Variants in CFAP54 observed in about 807,000 individuals in gnomAD.
CFAP54 encodes the protein cilia and flagella associated protein 54.
In CFAP54, 290 loss-of-function variants were observed where a neutral mutation model predicts 370.4. The observed-to-expected ratio is 0.78, with a 90% CI of 0.71 to 0.86. The LOEUF (loss-of-function observed/expected upper bound fraction) is 0.86, where lower values mean the gene tolerates loss of function less well. Ranked by LOEUF, CFAP54 falls within the 40% of genes least tolerant of loss-of-function variation. The pLI is 0.00. For synonymous variants in CFAP54, 1,206 were observed against 1,236.5 expected, an observed-to-expected ratio of 0.98 and a Z score of 0.52; for missense variants, 3,399 against 3,528.7, an observed-to-expected ratio of 0.96 and a Z score of 0.93.
Position 96,765,229 on chromosome 12 carries a change from A to G in CFAP54, c.8281+11A>G, listed in dbSNP as rs972694371. 6.8e-7 allele frequency: 1 copy of G among 1,472,380 alleles called. No homozygotes were observed. 91.2% of individuals were successfully genotyped at this position (1,472,380 alleles called of 1,614,324 possible). A position where few individuals can be genotyped will look rare whatever the true frequency, so the allele number is the denominator to read the frequency against. ...CAGATTATTTGCTTGGTATGTTTGGATGTCTACATATTATGCAAAAAAACT... is the reference window on the plus strand; with the variant it reads ...CAGATTATTTGCTTGGTATGTTTGGGTGTCTACATATTATGCAAAAAAACT... On this transcript the variant is annotated intron_variant, in intron 60 of 67. Transcript: ENST00000524981.
intron 17 of CFAP54, among the ~76,000 whole-genome samples, chr12:96,561,151 C>T (rs1955810810): frequency 6.6e-6 from 1 of 152,158 alleles, no homozygotes; most frequent in African/African-American, 2.4e-5. Flanking sequence ...GCTGTTTCCC[C>T]ACCCAAATCT....
At chr12:96,655,461 A>G (rs563455313) in intron 36 of CFAP54, among the ~76,000 whole-genome samples, 17 of 152,314 alleles carry the variant, frequency 1.1e-4, no homozygotes, top group Non-Finnish European at 2.4e-4. Flanking sequence ...GGTTTCTGTA[A>G]TTCTTAATGA....
intron 30 of CFAP54, among the ~76,000 whole-genome samples, chr12:96,629,367 G>C (rs559260452): frequency 6.1e-4 from 92 of 151,644 alleles, no homozygotes; most frequent in Admixed American, 2.0e-3. Flanking sequence ...GCAGTGGCGC[G>C]ATCTTGGCTC....
At chr12:96,670,255 G>A (rs1183674022) in intron 39 of CFAP54, among the ~76,000 whole-genome samples, 1 of 152,118 alleles carries the variant, frequency 6.6e-6, no homozygotes, top group African/African-American at 2.4e-5. Flanking sequence ...TATGTTAAGG[G>A]CTTTTCATGG....
At chr12:96,747,761 A>G (rs1013780189) in intron 55 of CFAP54, among the ~76,000 whole-genome samples, 1 of 152,196 alleles carries the variant, frequency 6.6e-6, no homozygotes, top group African/African-American at 2.4e-5. Flanking sequence ...TATCTGCAAA[A>G]TGGAGGTAGG....
intron 50 of CFAP54, among the ~76,000 whole-genome samples, chr12:96,729,768 C>T (rs573609192): frequency 5.3e-4 from 80 of 152,280 alleles, no homozygotes; most frequent in African/African-American, 1.8e-3. Context: ...AGAAATCACC[C>T]GTCTTCTGCG....
intron 63 of CFAP54, among the ~76,000 whole-genome samples, chr12:96,804,372 C>T (rs774487583): frequency 5.9e-5 from 9 of 152,008 alleles, no homozygotes; most frequent in Admixed American, 1.3e-4. Flanking sequence ...GATCTTAAAA[C>T]TAAAAAATCC....
chr12:96,492,341 C>G (rs1954893896), intron 1 of CFAP54, among the ~76,000 whole-genome samples: 1 of 152,210 alleles, frequency 6.6e-6, no homozygotes, highest in African/African-American at 2.4e-5. Context: ...CCTCACTTCT[C>G]TCTCAGGACT....
intron 26 of CFAP54, among the ~76,000 whole-genome samples, chr12:96,608,035 C>T (rs1206910844): frequency 6.6e-6 from 1 of 151,808 alleles, no homozygotes; most frequent in Non-Finnish European, 1.5e-5. Context: ...AACAGAAATC[C>T]CAAGACAGGG....
intron 26 of CFAP54, among the ~76,000 whole-genome samples, chr12:96,599,914 C>T (rs1471977715): frequency 6.6e-6 from 1 of 152,118 alleles, no homozygotes; most frequent in African/African-American, 2.4e-5. Flanking sequence ...AGCCCTTTGT[C>T]AGATGGATAG....
At chr12:96,637,213 G>C (rs1050925122) in intron 32 of CFAP54, among the ~76,000 whole-genome samples, 4 of 152,094 alleles carry the variant, frequency 2.6e-5, no homozygotes, top group Non-Finnish European at 5.9e-5. Context: ...TATCCATGTG[G>C]CATGTCTCAG....
chr12:96,738,803 G>C (rs953198087), intron 50 of CFAP54, among the ~76,000 whole-genome samples: 1 of 151,962 alleles, frequency 6.6e-6, no homozygotes, highest in African/African-American at 2.4e-5. Context: ...GTAGAGACTG[G>C]GTTTCACCGT....
chr12:96,819,537 C>A (rs1007803982), intron 65 of CFAP54, among the ~76,000 whole-genome samples: 2 of 152,150 alleles, frequency 1.3e-5, no homozygotes, highest in Non-Finnish European at 2.9e-5. Context: ...ATGGATTTAG[C>A]TCACTTATAC....
At chr12:96,592,817 T>C (rs1386652353) in intron 24 of CFAP54, among the ~76,000 whole-genome samples, 180 bp downstream of exon 24, 1 of 152,184 alleles carries the variant, frequency 6.6e-6, no homozygotes, top group East Asian at 1.9e-4. Context: ...GAGTTCATGT[T>C]TTTTTCTCTT....
intron 50 of CFAP54, among the ~76,000 whole-genome samples, chr12:96,720,933 T>A (rs1957744654): frequency 1.3e-5 from 2 of 151,590 alleles, no homozygotes; most frequent in Non-Finnish European, 2.9e-5. Context: ...GGCAGGAGAA[T>A]CACTTGAGCC....
chr12:96,500,969 A>G, intron 2 of CFAP54, 30 bp downstream of exon 2: 1 of 1,355,382 alleles, frequency 7.4e-7, no homozygotes, highest in Non-Finnish European at 1.0e-6. Context: ...AGAGCCAAAA[A>G]GAAGTTCATT....
intron 55 of CFAP54, among the ~76,000 whole-genome samples, chr12:96,749,381 A>G (rs1345767028): frequency 6.6e-6 from 1 of 152,246 alleles, no homozygotes; most frequent in Non-Finnish European, 1.5e-5. Context: ...TCTGCCTCTA[A>G]TAACATCATG....
chr12:96,695,340 C>T (rs183260178), intron 45 of CFAP54, among the ~76,000 whole-genome samples: 1 of 152,322 alleles, frequency 6.6e-6, no homozygotes, highest in East Asian at 1.9e-4. Flanking sequence ...GTGTCTAAAC[C>T]CTGCCCTGGG....
Position 96,730,142 on chromosome 12 carries a change from C to G in CFAP54, c.6965+9577C>G, listed in dbSNP as rs75988492. Reference sequence around the variant, plus strand: ...CAGGGACACAGATGGAAAAAGTCACCCAAGAGAAATCAGTTCCCCAGGCTG... The same window carrying G: ...CAGGGACACAGATGGAAAAAGTCACGCAAGAGAAATCAGTTCCCCAGGCTG... On this transcript the variant is annotated intron_variant, in intron 50 of 67. Coordinates refer to ENST00000524981, the MANE Select transcript of CFAP54 (RefSeq NM_001306084.2). Among the ~76,000 whole-genome samples the G allele has an allele frequency of 1.7e-4, 26 of 152,226 alleles. No individual in the cohort carries two copies. In the East Asian group the frequency reaches 2.7e-3, roughly 16 times the overall value.
Sources: allele counts gnomAD v4.1 joint callset (sites outside exome capture counted in the v4.1 genomes callset), GRCh38; gene constraint gnomAD v4.1.1; transcripts MANE v1.5; gene names NCBI Gene and HGNC (gene_info 2026-07-23, HGNC 2026-07-21).